PCDHGB6: variants seen among roughly 807,000 people sequenced by gnomAD.
The protein encoded by PCDHGB6 is protocadherin gamma-B6.
In PCDHGB6, 51 loss-of-function variants were observed where a neutral mutation model predicts 59.1. The ratio of observed to expected loss-of-function variants is 0.86; its 90% CI spans 0.69 to 1.09. PCDHGB6 has a LOEUF of 1.09. Ranked by LOEUF, PCDHGB6 falls within the 50% of genes least tolerant of loss-of-function variation. The pLI is 0.00. For missense variants in PCDHGB6, 1,148 were observed against 1,205.1 expected (o/e 0.95, Z 0.70); for synonymous variants, 466 against 495.1 (o/e 0.94, Z 0.78).
intron 1 of PCDHGB6, chr5:141,430,515 G>A (rs1016446331): frequency 2.1e-5 from 7 of 340,180 alleles, no homozygotes; most frequent in Admixed American, 1.8e-4. Flanking sequence ...TCAAGATTGT[G>A]CAGTAATTGG....
chr5:141,445,245 T>C (rs2098460607), intron 1 of PCDHGB6, among the ~76,000 whole-genome samples: 1 of 152,212 alleles, frequency 6.6e-6, no homozygotes, highest in Non-Finnish European at 1.5e-5. Flanking sequence ...TTACACTATA[T>C]TGTGTGAGAA....
intron 1 of PCDHGB6, among the ~76,000 whole-genome samples, chr5:141,467,882 C>T (rs1278937609): frequency 6.6e-6 from 1 of 152,036 alleles, no homozygotes; most frequent in East Asian, 1.9e-4. Context: ...TGGTCTCAAA[C>T]TCCTGAGCTC....
At chr5:141,427,890 G>A in intron 1 of PCDHGB6, 1 of 1,566,844 alleles carries the variant, frequency 6.4e-7, no homozygotes, top group Non-Finnish European at 8.7e-7. Flanking sequence ...CCACGACCAG[G>A]GCTCGCCCGC....
chr5:141,501,335 C>CA (rs2099808433), intron 2 of PCDHGB6, among the ~76,000 whole-genome samples: 1 of 135,634 alleles, frequency 7.4e-6, no homozygotes, highest in Non-Finnish European at 1.6e-5. Context: ...ACACACACAC[C>CA]CCAAACTCAA....
chr5:141,453,052 G>A (rs1299518260), intron 1 of PCDHGB6, among the ~76,000 whole-genome samples: 2 of 152,062 alleles, frequency 1.3e-5, no homozygotes, highest in East Asian at 3.9e-4. Flanking sequence ...ATTATGTGCA[G>A]TTTTAGAGTT....
At chr5:141,416,406 T>A (rs2096021956) in intron 1 of PCDHGB6, 1 of 152,224 alleles carries the variant, frequency 6.6e-6, no homozygotes, top group Admixed American at 6.5e-5. Context: ...TTGTCTTTTT[T>A]GTTAAATTTT....
intron 1 of PCDHGB6, chr5:141,419,088 T>G (rs2096325159): frequency 1.2e-6 from 2 of 1,613,940 alleles, no homozygotes; most frequent in Non-Finnish European, 1.7e-6. Flanking sequence ...GATGAGGCCC[T>G]GGATCGGGAG....
At chr5:141,416,846 A>G (rs1412860680) in intron 1 of PCDHGB6, 2 of 152,120 alleles carry the variant, frequency 1.3e-5, no homozygotes, top group Non-Finnish European at 2.9e-5. Flanking sequence ...TTATAATTCC[A>G]TGATTTTTTT....
chr5:141,431,921 G>C lies in PCDHGB6; in HGVS notation c.2418+21301G>C, dbSNP rs775520324. ...CGGACAGGTGATCTGTTTCATCCAA[G>C]GAAATCTGCCCTTTAAATTAGAAAA... On this transcript the variant is annotated intron_variant, in intron 1 of 3. Transcript: ENST00000520790. This position sits in a 1 kb window ranked among gnomAD's most constrained non-coding sequence, Gnocchi z 4.8. 8.7e-6 allele frequency: 14 copies of C among 1,614,024 alleles called. No individual in the cohort carries two copies. Among genetic ancestry groups the C allele is most frequent in the Non-Finnish European group, 1.2e-5 (14 of 1,179,998 alleles).
intron 1 of PCDHGB6, among the ~76,000 whole-genome samples, chr5:141,437,781 A>G (rs957126405): frequency 7.3e-5 from 11 of 149,878 alleles, no homozygotes; most frequent in Admixed American, 6.7e-5. Flanking sequence ...ATCTGTCGCC[A>G]AGCTGGAGTG....
intron 1 of PCDHGB6, among the ~76,000 whole-genome samples, chr5:141,448,985 A>G (rs2098621528): frequency 6.6e-6 from 1 of 152,026 alleles, no homozygotes; most frequent in South Asian, 2.1e-4. Context: ...TTCCATATTA[A>G]TATATAGAAA....
chr5:141,456,026 T>A (rs2098840894), intron 1 of PCDHGB6, among the ~76,000 whole-genome samples: 1 of 151,690 alleles, frequency 6.6e-6, no homozygotes, highest in African/African-American at 2.4e-5. Context: ...GCCTCCCGAG[T>A]AGCTGGGACT....
intron 1 of PCDHGB6, chr5:141,411,163 C>T (rs1001422146): frequency 6.6e-6 from 1 of 152,132 alleles, no homozygotes; most frequent in African/African-American, 2.4e-5. Context: ...TTCTGACTAT[C>T]GAACAGAAGC....
chr5:141,427,983 C>G, intron 1 of PCDHGB6: 2 of 1,596,840 alleles, frequency 1.3e-6, no homozygotes, highest in South Asian at 2.2e-5. Context: ...CGCGCTGGGG[C>G]CCGATGGCTC....
At chr5:141,425,353 T>C (rs868017955) in intron 1 of PCDHGB6, among the ~76,000 whole-genome samples, 2 of 152,296 alleles carry the variant, frequency 1.3e-5, no homozygotes, top group Middle Eastern at 3.4e-3. Context: ...CTTTGAAATG[T>C]GATATTAAGA....
Position 141,491,608 on chromosome 5 carries a change from C to T in PCDHGB6, c.2419-3199C>T. On this transcript the variant is annotated intron_variant, in intron 1 of 3. Transcript: ENST00000520790. This position sits in a 1 kb window ranked among gnomAD's most constrained non-coding sequence, Gnocchi z 6.9. Reference sequence around the variant, plus strand: ...CTCGGACGGCAGTGACTTCACTTTTCTAAGACCCCTCAGCGTTCAGCAGCC... The same window carrying T: ...CTCGGACGGCAGTGACTTCACTTTTTTAAGACCCCTCAGCGTTCAGCAGCC... 6.2e-7 allele frequency: 1 copy of T among 1,613,942 alleles called. No individual in the cohort carries two copies. The highest frequency in any genetic ancestry group is 1.1e-5 in the South Asian group (1 of 91,086).
intron 1 of PCDHGB6, chr5:141,412,489 T>C (rs1292155082): frequency 6.6e-6 from 1 of 152,176 alleles, no homozygotes; most frequent in East Asian, 1.9e-4. Context: ...TCTTACACAA[T>C]CCTAAGCTAA....
At position 141,419,268 on chromosome 5, in the gene PCDHGB6, C is replaced by T. The variant is rs1240259934; in HGVS notation, c.2418+8648C>T. 6.2e-6 allele frequency: 10 copies of T among 1,614,050 alleles called. No homozygotes were observed. The East Asian group carries it at 2.2e-4, about 36-fold the overall frequency. ...CCAGAAAACAACCAGCCGGGTGCCT[C>T]CATAGCGCAAGTCAGTGCCTCTGAC... is the stretch of plus-strand genomic sequence containing the variant. On this transcript the variant is annotated intron_variant, in intron 1 of 3. Transcript: ENST00000520790.
intron 1 of PCDHGB6, among the ~76,000 whole-genome samples, chr5:141,460,987 ATATATATATGTG>A (rs2099005819): frequency 1.1e-5 from 1 of 92,944 alleles, no homozygotes; most frequent in Admixed American, 9.9e-5. Flanking sequence ...GTGTGTGTAT[ATATATATATGTG>A]TATATATATA....
Sources: gnomAD v4.1 joint callset for allele counts (sites outside exome capture counted in the v4.1 genomes callset) on GRCh38, gnomAD v4.1.1 for gene constraint, Gnocchi (gnomAD v3.1) non-coding constraint, MANE v1.5 for transcripts, NCBI Gene and HGNC (gene_info 2026-07-23, HGNC 2026-07-21) for gene names.